The following PATJ variants were observed in gnomAD, a reference collection of about 807,000 sequenced individuals.
PATJ encodes the protein inaD-like protein.
A neutral mutation model predicts 224.9 loss-of-function variants in PATJ; 190 were observed. The observed-to-expected ratio is 0.84, with a 90% CI of 0.75 to 0.95. PATJ has a LOEUF of 0.95. PATJ is among the 40% of genes least tolerant of loss of function. The pLI is 0.00. For synonymous variants in PATJ, 769 were observed against 820.3 expected (o/e 0.94, Z 1.07); for missense variants, 2,121 against 2,270.3 (o/e 0.93, Z 1.34).
rs201896946 is a variant in PATJ, at chr1:61,833,693, G to C, written c.2020G>C (p.Asp674His). The change falls in exon 17 of 44, where the codon GAT becomes CAT. Residue 674 changes from aspartate (D) to histidine (H), a missense_variant. Transcript: ENST00000642238. ...NMDVNTEEDD[D>H]GELALWSPEV... ...GGATGTCAATACTGAAGAAGATGATGATGGGGAATTAGCACTGTGGTCCCC... is the reference window on the plus strand; with the variant it reads ...GGATGTCAATACTGAAGAAGATGATCATGGGGAATTAGCACTGTGGTCCCC... The C allele has an allele frequency of 6.2e-7, 1 of 1,613,524 alleles. No homozygotes were observed. The highest frequency in any genetic ancestry group is 8.5e-7 in the Non-Finnish European group (1 of 1,179,606).
chr1:61,869,096 C>CT (rs1557785952), intron 20 of PATJ, among the ~76,000 whole-genome samples: 72 of 133,494 alleles, frequency 5.4e-4, no homozygotes, highest in South Asian at 2.3e-3. Context: ...ATGGAAATAA[C>CT]ATTTTTTTTT....
chr1:62,079,317 C>T, intron 31 of PATJ, 133 bp from the exon 32 acceptor site: 1 of 614,078 alleles, frequency 1.6e-6, no homozygotes, highest in Non-Finnish European at 2.9e-6. Flanking sequence ...CTTCTTGCCA[C>T]CCTCCAACCT....
intron 25 of PATJ, among the ~76,000 whole-genome samples, chr1:61,911,167 A>C (rs1282011223): frequency 6.6e-6 from 1 of 152,114 alleles, no homozygotes; most frequent in Non-Finnish European, 1.5e-5. Flanking sequence ...CAGCTGCCTT[A>C]GGAGCATCAC....
intron 31 of PATJ, among the ~76,000 whole-genome samples, chr1:62,066,288 A>G (rs1160658303): frequency 2.0e-5 from 3 of 152,192 alleles, no homozygotes; most frequent in Admixed American, 6.5e-5. Context: ...GAGACACTCA[A>G]CTAATAAGTG....
At chr1:61,858,216 C>G (rs1427640323) in intron 18 of PATJ, among the ~76,000 whole-genome samples, 1 of 151,962 alleles carries the variant, frequency 6.6e-6, no homozygotes, top group Non-Finnish European at 1.5e-5. Context: ...ATGGCAAAAG[C>G]AGGAGTGAGA....
At chr1:61,865,190 A>G (rs1210940277) in intron 20 of PATJ, 1 of 150,570 alleles carries the variant, frequency 6.6e-6, no homozygotes, top group Non-Finnish European at 1.5e-5. Context: ...ACGTGTATAT[A>G]TATGTATATA....
rs1157921662 is a variant in PATJ at position 62,162,456 on chromosome 1, AAT to A, written c.*1405_*1406del. The A allele has an allele frequency of 6.6e-6, 1 of 152,242 alleles. No individual in the cohort carries two copies. Among genetic ancestry groups the A allele is most frequent in the Non-Finnish European group, 1.5e-5 (1 of 68,058 alleles). The allele number at this position is 152,242 out of a possible 1,614,324, so 9.4% of individuals were successfully genotyped here. A position where few individuals can be genotyped will look rare whatever the true frequency, so the allele number is the denominator to read the frequency against. ...AGTGAGCAAATGAATTGAGCCTAGG[AAT>A]ATGTGATGAAAATGCATGGCTGATG... On this transcript the variant is annotated 3_prime_UTR_variant, in exon 44 of 44. Coordinates refer to ENST00000642238, the MANE Select transcript of PATJ (RefSeq NM_001350145.3).
intron 37 of PATJ, among the ~76,000 whole-genome samples, chr1:62,118,693 G>A (rs1024295328): frequency 3.9e-5 from 6 of 152,046 alleles, no homozygotes; most frequent in African/African-American, 1.2e-4. Flanking sequence ...GCAATGGCGC[G>A]ATCTCAGCTC....
intron 23 of PATJ, among the ~76,000 whole-genome samples, chr1:61,900,525 G>A (rs1179045379): frequency 1.3e-5 from 2 of 152,134 alleles, no homozygotes; most frequent in Non-Finnish European, 2.9e-5. Context: ...CCACTCAGTG[G>A]CTAATTTATT....
intron 27 of PATJ, among the ~76,000 whole-genome samples, chr1:61,975,549 A>G (rs1339887382): frequency 6.6e-6 from 1 of 151,856 alleles, no homozygotes; most frequent in Non-Finnish European, 1.5e-5. Flanking sequence ...GATGCCCTTA[A>G]TCCGGTGTAC....
intron 27 of PATJ, among the ~76,000 whole-genome samples, chr1:61,988,447 C>T (rs912154821): frequency 6.6e-6 from 1 of 152,182 alleles, no homozygotes; most frequent in Admixed American, 6.5e-5. Flanking sequence ...AGTACCCACA[C>T]AGCATCTTGT....
At chr1:61,896,985 T>A (rs1391517628) in intron 22 of PATJ, among the ~76,000 whole-genome samples, 1 of 152,156 alleles carries the variant, frequency 6.6e-6, no homozygotes, top group African/African-American at 2.4e-5. Context: ...TGGACTAATA[T>A]ACAATCTAAG....
chr1:61,915,946 C>T (rs1048891057), intron 26 of PATJ, among the ~76,000 whole-genome samples: 22 of 152,094 alleles, frequency 1.4e-4, no homozygotes, highest in Non-Finnish European at 2.6e-4. Flanking sequence ...CCACCTGCCT[C>T]GGCCTCCCAA....
At chr1:62,039,117 C>A (rs1650993487) in intron 30 of PATJ, 10 of 672,064 alleles carry the variant, frequency 1.5e-5, no homozygotes, top group Non-Finnish European at 2.5e-5. Flanking sequence ...CTTGATGGCT[C>A]GTATCTGTTC....
chr1:61,949,361 T>C (rs1295602079), intron 27 of PATJ, among the ~76,000 whole-genome samples: 3 of 149,988 alleles, frequency 2.0e-5, no homozygotes, highest in Non-Finnish European at 4.4e-5. Flanking sequence ...TTTTGGGGGG[T>C]GGTGGGAAGT....
intron 20 of PATJ, among the ~76,000 whole-genome samples, chr1:61,871,459 A>ATATACATATATATGCG (rs1666480642): frequency 1.8e-4 from 10 of 56,000 alleles, no homozygotes; most frequent in South Asian, 5.3e-4. Context: ...ATATATGCGT[A>ATATACATATATATGCG]TATATATGTA....
At chr1:62,035,021 G>A (rs1268323589) in intron 29 of PATJ, among the ~76,000 whole-genome samples, 1 of 152,180 alleles carries the variant, frequency 6.6e-6, no homozygotes, top group African/African-American at 2.4e-5. Flanking sequence ...GACATGGCCT[G>A]TTGGCTTTCG....
chr1:62,122,615 G>C (rs928817713), intron 38 of PATJ, among the ~76,000 whole-genome samples: 1 of 151,544 alleles, frequency 6.6e-6, no homozygotes, highest in East Asian at 1.9e-4. Flanking sequence ...ACTTGAGGTC[G>C]AGAGTTTGAG....
chr1:61,927,744 T>C lies in PATJ; in HGVS notation c.3585T>C (p.Ala1195=), dbSNP rs1571333546. 2 of 1,613,164 alleles carry C rather than the reference T, an allele frequency of 1.2e-6. No individual in the cohort carries two copies. The highest frequency in any genetic ancestry group is 1.7e-6 in the Non-Finnish European group (2 of 1,179,472). The part of the protein sequence containing the change: ...QEKKEKRQGT[A]PPPMKLPPPY... Reference sequence around the variant, plus strand: ...TGCATCTTCAGAGGCAAGGAACTGCTCCACCGCCAATGAAACTTCCTCCTC... The same window carrying C: ...TGCATCTTCAGAGGCAAGGAACTGCCCCACCGCCAATGAAACTTCCTCCTC... The change falls in exon 27 of 44, where the codon GCT becomes GCC. Residue 1195 remains alanine, a synonymous_variant. Coordinates refer to ENST00000642238, the MANE Select transcript of PATJ (RefSeq NM_001350145.3).
Sources: allele counts gnomAD v4.1 joint callset (sites outside exome capture counted in the v4.1 genomes callset), GRCh38; gene constraint gnomAD v4.1.1; transcripts MANE v1.5; gene names NCBI Gene and HGNC (gene_info 2026-07-23, HGNC 2026-07-21).